The following KIF26B variants were observed in gnomAD, a reference collection of about 807,000 sequenced individuals.
KIF26B encodes kinesin-like protein KIF26B.
A neutral mutation model predicts 151.2 loss-of-function variants in KIF26B; 63 were observed. The ratio of observed to expected loss-of-function variants is 0.42; its 90% confidence interval spans 0.34 to 0.51. The LOEUF (loss-of-function observed/expected upper bound fraction) is 0.51. Among genes scored for constraint, KIF26B ranks in the 20% least tolerant of loss-of-function variants. The pLI is 0.07. For synonymous variants in KIF26B, 1,357 were observed against 1,262.1 expected (o/e 1.08, Z -1.59); for missense variants, 2,813 against 2,913.6 (o/e 0.97, Z 0.79).
chr1:245,174,610 G>A (rs1199163988), intron 2 of KIF26B, among the ~76,000 whole-genome samples: 2 of 152,102 alleles, frequency 1.3e-5, no homozygotes, highest in African/African-American at 4.8e-5. Context: ...GGGCTCAAAC[G>A]ATCCTCTCGC....
intron 10 of KIF26B, among the ~76,000 whole-genome samples, chr1:245,657,216 A>G (rs540210856): frequency 6.6e-6 from 1 of 152,190 alleles, no homozygotes; most frequent in African/African-American, 2.4e-5. Flanking sequence ...TGACATGCCC[A>G]TTTTTCTGAG....
At chr1:245,345,352 A>T (rs1672426871) in intron 2 of KIF26B, among the ~76,000 whole-genome samples, 1 of 152,004 alleles carries the variant, frequency 6.6e-6, no homozygotes, top group African/African-American at 2.4e-5. Context: ...GAAACATCAG[A>T]TCTAACCACC....
intron 2 of KIF26B, among the ~76,000 whole-genome samples, chr1:245,338,323 T>A (rs1672274379): frequency 6.6e-6 from 1 of 152,204 alleles, no homozygotes; most frequent in African/African-American, 2.4e-5. Flanking sequence ...AATAAAGTTT[T>A]ATTGGAAACA....
At chr1:245,396,435 C>T (rs1005552503) in intron 3 of KIF26B, among the ~76,000 whole-genome samples, 9 of 151,928 alleles carry the variant, frequency 5.9e-5, no homozygotes, top group African/African-American at 1.9e-4. Context: ...TGGCTTCAAA[C>T]CTTTATTGCA....
At chr1:245,580,165 G>A (rs938338784) in intron 5 of KIF26B, among the ~76,000 whole-genome samples, 1 of 152,188 alleles carries the variant, frequency 6.6e-6, no homozygotes, top group African/African-American at 2.4e-5. Context: ...ACAATGCTGC[G>A]TCATAACACG....
chr1:245,238,756 G>T, intron 2 of KIF26B, among the ~76,000 whole-genome samples: 1 of 152,076 alleles, frequency 6.6e-6, no homozygotes. Flanking sequence ...CAGCTACTCG[G>T]GAGGCTGAGG....
At chr1:245,434,974 T>TCCAC (rs1264514214) in intron 4 of KIF26B, among the ~76,000 whole-genome samples, 2 of 26,322 alleles carry the variant, frequency 7.6e-5, no homozygotes, top group East Asian at 3.9e-3. Context: ...TGCTCTTTTG[T>TCCAC]CCATCCATCC....
At chr1:245,210,940 G>A (rs558756210) in intron 2 of KIF26B, among the ~76,000 whole-genome samples, 1 of 152,198 alleles carries the variant, frequency 6.6e-6, no homozygotes, top group South Asian at 2.1e-4. Flanking sequence ...TTTACCACTG[G>A]CGATGTTCTG....
chr1:245,356,418 T>G (rs2103003543), intron 2 of KIF26B, among the ~76,000 whole-genome samples: 1 of 151,938 alleles, frequency 6.6e-6, no homozygotes, highest in Non-Finnish European at 1.5e-5. Flanking sequence ...TAGCTGGGCG[T>G]GGTGGCGGGC....
intron 10 of KIF26B, among the ~76,000 whole-genome samples, chr1:245,671,413 A>G (rs934345704): frequency 6.6e-6 from 1 of 152,222 alleles, no homozygotes; most frequent in African/African-American, 2.4e-5. Flanking sequence ...CCACTTATAC[A>G]AGGTACCTGG....
intron 2 of KIF26B, among the ~76,000 whole-genome samples, chr1:245,297,812 C>T (rs1225863702): frequency 6.6e-6 from 1 of 152,170 alleles, no homozygotes; most frequent in Non-Finnish European, 1.5e-5. Flanking sequence ...AGATGGGACA[C>T]CATGGTGGCA....
At position 245,367,740 on chromosome 1, in the gene KIF26B, G is replaced by T. The variant is rs1403460621; in HGVS notation, c.999+373G>T. Among the ~76,000 whole-genome samples, 1 of 152,224 alleles carries T rather than the reference G, an allele frequency of 6.6e-6. No homozygotes were observed. Among genetic ancestry groups the T allele is most frequent in the African/African-American group, 2.4e-5 (1 of 41,468 alleles). On this transcript the variant is annotated intron_variant, in intron 3 of 14. Transcript: ENST00000407071. This position sits in a 1 kb window ranked among gnomAD's most constrained non-coding sequence, Gnocchi z 4.2. ...CACAGATACTTGGACTGGGGTCCAA[G>T]CCCCGACTTGTCCACTTATTAGCAG... is the stretch of plus-strand genomic sequence containing the variant.
In KIF26B at chr1:245,467,234, A is replaced by G. The variant is rs569307580; in HGVS notation, c.1166+47489A>G. On this transcript the variant is annotated intron_variant, in intron 4 of 14. Coordinates refer to ENST00000407071, the MANE Select transcript of KIF26B (RefSeq NM_018012.4). ...TAACTCTTAGGCATTTATACCCCCA[A>G]TGTGGTGGGATAAAAGGATGAGGAA... 5.3e-5 allele frequency among the ~76,000 whole-genome samples: 8 copies of G among 152,260 alleles called. No homozygotes were observed. The East Asian group carries it at 1.4e-3, about 26-fold the overall frequency.
intron 5 of KIF26B, among the ~76,000 whole-genome samples, chr1:245,590,812 GTGGGAGGATC>G (rs1558227762): frequency 2.0e-5 from 3 of 151,704 alleles, no homozygotes; most frequent in Admixed American, 2.0e-4. Context: ...GGAGGCTGAA[GTGGGAGGATC>G]ACTTGAGCCT....
At chr1:245,575,014 G>A (rs1455762328) in intron 5 of KIF26B, among the ~76,000 whole-genome samples, 5 of 150,944 alleles carry the variant, frequency 3.3e-5, no homozygotes, top group African/African-American at 9.7e-5. Flanking sequence ...ACAGGCGCCC[G>A]CCACCACACC....
chr1:245,229,889 C>T (rs1669956228), intron 2 of KIF26B, among the ~76,000 whole-genome samples: 1 of 152,182 alleles, frequency 6.6e-6, no homozygotes, highest in African/African-American at 2.4e-5. Context: ...AATCCCCGCA[C>T]TTTGGGAGGC....
At chr1:245,492,251 G>C (rs74658252) in intron 4 of KIF26B, among the ~76,000 whole-genome samples, 2,418 of 152,294 alleles carry the variant, frequency 0.016, 67 homozygotes, top group African/African-American at 0.054. Flanking sequence ...CTTCGGAGTG[G>C]TCAGAAATGC....
chr1:245,245,006 T>C (rs184668355), intron 2 of KIF26B, among the ~76,000 whole-genome samples: 145 of 152,178 alleles, frequency 9.5e-4, no homozygotes, highest in African/African-American at 2.9e-3. Flanking sequence ...GTCACCACAG[T>C]CCTGAGGTTC....
At chr1:245,290,933 G>C (rs772133174) in intron 2 of KIF26B, among the ~76,000 whole-genome samples, 42 of 152,358 alleles carry the variant, frequency 2.8e-4, no homozygotes, top group Non-Finnish European at 5.6e-4. Flanking sequence ...GCTGGTTTCA[G>C]CTGGGCTCCC....
Sources: gnomAD v4.1 joint callset for allele counts (sites outside exome capture counted in the v4.1 genomes callset) on GRCh38, gnomAD v4.1.1 for gene constraint, Gnocchi (gnomAD v3.1) non-coding constraint, MANE v1.5 for transcripts, NCBI Gene and HGNC (gene_info 2026-07-23, HGNC 2026-07-21) for gene names.